The following IGSF23 variants were observed in gnomAD, a reference collection of about 807,000 sequenced individuals.
IGSF23 encodes immunoglobulin superfamily, member 23.
IGSF23 carries 14 observed loss-of-function variants against 17.8 expected under a neutral mutation model. The observed-to-expected ratio is 0.79, with a 90% confidence interval of 0.52 to 1.23. The LOEUF (loss-of-function observed/expected upper bound fraction) is 1.23, where lower values mean the gene tolerates loss of function less well. Among genes scored for constraint, IGSF23 ranks in the 50% most tolerant of loss-of-function variants. IGSF23 has a pLI of 0.00. For synonymous variants in IGSF23, 85 were observed against 92.5 expected (o/e 0.92, Z 0.46); for missense variants, 214 against 241.7 (o/e 0.89, Z 0.76).
chr19:44,614,091 G>C, intron 1 of IGSF23: 1 of 961,280 alleles, frequency 1.0e-6, no homozygotes, highest in Non-Finnish European at 1.5e-6. Flanking sequence ...GACCCTGTCA[G>C]TTTGAGGCCC....
chr19:44,613,668 C>T lies in IGSF23; in HGVS notation c.23C>T (p.Pro8Leu), dbSNP rs2123711014. 6.5e-7 allele frequency: 1 copy of T among 1,549,690 alleles called. No individual in the cohort carries two copies. Among genetic ancestry groups the T allele is most frequent in the South Asian group, 1.2e-5 (1 of 83,990 alleles). The change falls in exon 1 of 5, where the codon CCC becomes CTC. Residue 8 changes from proline (P) to leucine (L), a missense_variant. Pro to Leu is a moderately conservative substitution (Grantham distance 98). Transcript: ENST00000402988. Reference protein sequence around the residue: MRAKPQSPLPRNPVPAWS... With the variant: MRAKPQSLLPRNPVPAWS... ...AGAATGAGAGCAAAACCTCAGAGCC[C>T]CCTTCCCAGGAACCCTGTCCCAGCC...
Position 44,635,464 on chromosome 19 carries a change from A to G in IGSF23, c.*30A>G. The G allele has an allele frequency of 1.3e-6, 2 of 1,546,042 alleles. No homozygotes were observed. Among genetic ancestry groups the G allele is most frequent in the South Asian group, 1.2e-5 (1 of 83,882 alleles). ...TGGGCAACTCTCCTGTCAGCTGAAG[A>G]GGTAATACCAGGAAGGGTGTGAAGG... On this transcript the variant is annotated splice_region_variant and 3_prime_UTR_variant, in exon 4 of 5. Coordinates refer to ENST00000402988, the MANE Select transcript of IGSF23 (RefSeq NM_001205280.2).
intron 1 of IGSF23, among the ~76,000 whole-genome samples, chr19:44,616,659 T>C (rs899688993): frequency 7.4e-6 from 1 of 134,842 alleles, no homozygotes; most frequent in Non-Finnish European, 1.5e-5. Context: ...ATTGCACCAC[T>C]GCACTCCAGC....
chr19:44,631,298 T>A (rs1972761374), intron 3 of IGSF23, among the ~76,000 whole-genome samples: 1 of 149,660 alleles, frequency 6.7e-6, no homozygotes, highest in African/African-American at 2.5e-5. Context: ...AAATAAAAAT[T>A]AAAAACAGGC....
chr19:44,632,581 G>A lies in IGSF23; in HGVS notation c.546-2820G>A, dbSNP rs578188856. On this transcript the variant is annotated intron_variant, in intron 3 of 4. Transcript: ENST00000402988. ...GCATCTGGCTCATGCTAAAATTTCA[G>A]GTGTCTTGATGGTATCCAAATCAGC... The A allele has an allele frequency of 3.2e-5, 5 of 154,268 alleles. No individual in the cohort carries two copies. The East Asian group carries it at 9.6e-4, about 30-fold the overall frequency. The allele number at this position is 154,268 out of a possible 1,614,324, so 9.6% of individuals were successfully genotyped here.
intron 1 of IGSF23, 69 bp downstream of exon 1, chr19:44,613,839 C>T (rs527890355): frequency 2.7e-4 from 417 of 1,546,682 alleles, no homozygotes; most frequent in Non-Finnish European, 3.4e-4. Flanking sequence ...AGGGTGAGGC[C>T]GGGGCTGCAG....
At chr19:44,629,010 G>A (rs1255255928) in intron 3 of IGSF23, among the ~76,000 whole-genome samples, 1 of 152,214 alleles carries the variant, frequency 6.6e-6, no homozygotes, top group Non-Finnish European at 1.5e-5. Flanking sequence ...GCATGTTCAG[G>A]AAATAGTGAG....
chr19:44,623,715 T>C lies in IGSF23; in HGVS notation c.134T>C (p.Leu45Pro). The change falls in exon 2 of 5, where the codon CTA becomes CCA. Residue 45 changes from leucine (L) to proline (P), a missense_variant. Leu to Pro is a moderately conservative substitution (Grantham distance 98). Coordinates refer to ENST00000402988, the MANE Select transcript of IGSF23 (RefSeq NM_001205280.2). ...GDFPANLVLQLMPLKTFPAAI... is the reference protein window; with the variant it reads ...GDFPANLVLQPMPLKTFPAAI... ...CCTGTTTGCACAGACAGCCTCCAAC[T>C]AATGCCACTGAAGACATTCCCAGCT... The C allele has an allele frequency of 6.4e-7, 1 of 1,551,168 alleles. No homozygotes were observed. The highest frequency in any genetic ancestry group is 8.7e-7 in the Non-Finnish European group (1 of 1,147,118).
At chr19:44,635,990 G>C (rs1178815596) in intron 4 of IGSF23, among the ~76,000 whole-genome samples, 2 of 152,116 alleles carry the variant, frequency 1.3e-5, no homozygotes, top group African/African-American at 4.8e-5. Context: ...ATTGCCCAGG[G>C]GCTGTCTGGA....
Position 44,613,621 on chromosome 19 carries a change from C to A in IGSF23, c.-25C>A. 1 of 1,523,724 alleles carries A rather than the reference C, an allele frequency of 6.6e-7. No homozygotes were observed. Among genetic ancestry groups the A allele is most frequent in the Non-Finnish European group, 8.9e-7 (1 of 1,129,034 alleles). The allele number at this position is 1,523,724 out of a possible 1,614,324, so 94.4% of individuals were successfully genotyped here. A position where few individuals can be genotyped will look rare whatever the true frequency, so the allele number is the denominator to read the frequency against. On this transcript the variant is annotated 5_prime_UTR_variant, in exon 1 of 5. Transcript: ENST00000402988. ...GCGATTCTGCTTCTCCCTCCATCTC[C>A]CGGCGGGGATTGTACGGTGAGAGAA...
At chr19:44,627,328 G>C (rs1379964730) in intron 2 of IGSF23, 92 bp from the exon 3 acceptor site, 2 of 1,286,662 alleles carry the variant, frequency 1.6e-6, no homozygotes, top group East Asian at 5.2e-5. Flanking sequence ...ATGGATTGAA[G>C]AGACACTTGG....
intron 3 of IGSF23, among the ~76,000 whole-genome samples, chr19:44,629,401 T>G (rs1253766059): frequency 7.6e-6 from 1 of 131,392 alleles, no homozygotes; most frequent in African/African-American, 2.9e-5. Flanking sequence ...AAACTAAAGT[T>G]TTTTTTTTTT....
intron 1 of IGSF23, among the ~76,000 whole-genome samples, chr19:44,620,241 G>T (rs1450932220): frequency 6.6e-6 from 1 of 151,936 alleles, no homozygotes; most frequent in Non-Finnish European, 1.5e-5. Flanking sequence ...TGCACACTTA[G>T]AACCCCACTT....
At chr19:44,621,961 C>T (rs567123113) in intron 1 of IGSF23, among the ~76,000 whole-genome samples, 214 of 152,126 alleles carry the variant, frequency 1.4e-3, no homozygotes, top group Non-Finnish European at 1.6e-3. Context: ...GTGGTTCATG[C>T]TTGTAATCCC....
intron 3 of IGSF23, chr19:44,632,293 T>C (rs1176045659): frequency 2.0e-5 from 4 of 198,710 alleles, no homozygotes; most frequent in South Asian, 7.5e-5. Context: ...ATAAGTATAA[T>C]TGTTCTCTGT....
intron 2 of IGSF23, 57 bp downstream of exon 2, chr19:44,624,029 G>A: frequency 7.5e-7 from 1 of 1,327,132 alleles, no homozygotes; most frequent in Admixed American, 2.6e-5. Context: ...ACCCTCTCCA[G>A]CCTGTGGCAG....
At chr19:44,619,667 C>T (rs867320069) in intron 1 of IGSF23, among the ~76,000 whole-genome samples, 6 of 152,084 alleles carry the variant, frequency 3.9e-5, no homozygotes, top group Admixed American at 6.6e-5. Context: ...TTTTGACTTG[C>T]GGAAGGGTGC....
At chr19:44,628,633 TC>T (rs1405310115) in intron 3 of IGSF23, among the ~76,000 whole-genome samples, 1 of 151,924 alleles carries the variant, frequency 6.6e-6, no homozygotes, top group African/African-American at 2.4e-5. Flanking sequence ...GCACTTATAG[TC>T]CCAGCTACTC....
At chr19:44,618,835 C>T (rs79572806) in intron 1 of IGSF23, among the ~76,000 whole-genome samples, 10,172 of 152,260 alleles carry the variant, frequency 0.067, 406 homozygotes, top group Middle Eastern at 0.13. Context: ...CAAAGCAAGT[C>T]ACATGGCCAG....
Sources: gnomAD v4.1 joint callset for allele counts (sites outside exome capture counted in the v4.1 genomes callset) on GRCh38, gnomAD v4.1.1 for gene constraint, MANE v1.5 for transcripts, NCBI Gene and HGNC (gene_info 2026-07-23, HGNC 2026-07-21) for gene names.